Variants in FRMPD4 observed in about 807,000 individuals in gnomAD.
FRMPD4 encodes the protein FERM and PDZ domain-containing protein 4.
A neutral mutation model predicts 94.1 loss-of-function variants in FRMPD4; 22 were observed. The ratio of observed to expected loss-of-function variants is 0.23; its 90% CI spans 0.17 to 0.33. The LOEUF (loss-of-function observed/expected upper bound fraction) is 0.33. FRMPD4 is among the 10% of genes least tolerant of loss of function. The pLI is 1.00. For synonymous variants in FRMPD4, 631 were observed against 548.6 expected, an observed-to-expected ratio of 1.15 and a Z score of -2.10; for missense variants, 1,111 against 1,339.9, an observed-to-expected ratio of 0.83 and a Z score of 2.67.
At chrX:12,087,732 G>A (rs758080879) in intron 3 of FRMPD4, among the ~76,000 whole-genome samples, 18 of 112,052 alleles carry the variant, frequency 1.6e-4, no homozygotes, top group Non-Finnish European at 3.0e-4. Flanking sequence ...TCCCCCCAAA[G>A]CATGTAACAA....
At chrX:12,117,868 T>A (rs2055422318) in intron 3 of FRMPD4, among the ~76,000 whole-genome samples, 1 of 112,016 alleles carries the variant, frequency 8.9e-6, no homozygotes, top group African/African-American at 3.2e-5. Context: ...TTAATCAACA[T>A]TTATCAATTG....
At position 11,986,573 on chromosome X, in the gene FRMPD4, C is replaced by G. The variant is rs114259971; in HGVS notation, c.95+108555C>G. The stretch of plus-strand genomic sequence containing the variant: ...TTAGTAGAAGAAAAGAAATAAAGTT[C>G]ACAACAGAAATAAATAAAATTGAAA... On this transcript the variant is annotated intron_variant, in intron 3 of 18. Coordinates refer to the FRMPD4 transcript ENST00000640291. Among the ~76,000 whole-genome samples, 578 of 110,972 alleles carry G rather than the reference C, an allele frequency of 5.2e-3. 10 individuals carry two copies. The highest frequency in any genetic ancestry group is 0.017 in the African/African-American group (526 of 30,594).
chrX:11,928,028 C>T (rs2054099177), intron 3 of FRMPD4, among the ~76,000 whole-genome samples: 1 of 112,255 alleles, frequency 8.9e-6, no homozygotes, highest in Non-Finnish European at 1.9e-5. Context: ...TAATATCCAG[C>T]ATCCATAAGT....
chrX:12,087,334 A>G (rs910056977), intron 3 of FRMPD4, among the ~76,000 whole-genome samples: 2 of 111,514 alleles, frequency 1.8e-5, no homozygotes, highest in East Asian at 5.7e-4. Context: ...TTCCAAGCCT[A>G]TTTCCTCCAT....
chrX:11,923,608 T>C (rs2054069581), intron 3 of FRMPD4, among the ~76,000 whole-genome samples: 2 of 111,963 alleles, frequency 1.8e-5, no homozygotes, highest in Non-Finnish European at 3.8e-5. Flanking sequence ...GAGAACAAAG[T>C]TGGGGCCCAA....
chrX:12,430,405 G>A lies in FRMPD4; in HGVS notation c.42-68275G>A, dbSNP rs1174243785. Among the ~76,000 whole-genome samples the A allele has an allele frequency of 3.6e-5, 4 of 112,355 alleles. No homozygotes were observed. In the South Asian group the frequency reaches 1.5e-3, roughly 42 times the overall value. ...CTGCCTTCTCTTCAGTGCCATTGTT[G>A]ATTTATTTACCCATCAGTCTCCCAA... On this transcript the variant is annotated intron_variant, in intron 1 of 16. Coordinates refer to ENST00000675598, the MANE Select transcript of FRMPD4 (RefSeq NM_001368397.1).
intron 4 of FRMPD4, among the ~76,000 whole-genome samples, chrX:12,639,546 A>G (rs1280827203): frequency 8.9e-6 from 1 of 112,327 alleles, no homozygotes; most frequent in Non-Finnish European, 1.9e-5. Flanking sequence ...GTAATTTGCT[A>G]TATACATTGT....
chrX:11,830,532 G>A (rs2053469279), intron 1 of FRMPD4, among the ~76,000 whole-genome samples: 1 of 111,457 alleles, frequency 9.0e-6, no homozygotes, highest in African/African-American at 3.3e-5. Context: ...TTGAATCTGA[G>A]TTTGATGTTG....
intron 4 of FRMPD4, among the ~76,000 whole-genome samples, chrX:12,668,597 C>CTTTTTTT (rs61675840): frequency 2.8e-5 from 2 of 71,614 alleles, no homozygotes; most frequent in Non-Finnish European, 2.5e-5. Flanking sequence ...ATGGAAACTA[C>CTTTTTTT]TTTTTTTTTT....
intron 3 of FRMPD4, among the ~76,000 whole-genome samples, chrX:12,097,701 C>T (rs770760657): frequency 8.9e-5 from 10 of 112,505 alleles, no homozygotes; most frequent in Non-Finnish European, 1.7e-4. Context: ...TGGCTTCTTT[C>T]ACTGAGCATA....
chrX:12,216,360 A>G (rs771961066), intron 1 of FRMPD4, among the ~76,000 whole-genome samples: 14 of 111,544 alleles, frequency 1.3e-4, no homozygotes, highest in African/African-American at 4.2e-4. Context: ...CCCAGTGTAC[A>G]TGTCCCAAGA....
intron 2 of FRMPD4, among the ~76,000 whole-genome samples, chrX:12,602,091 T>C (rs1440585164): frequency 8.9e-6 from 1 of 111,886 alleles, no homozygotes; most frequent in Non-Finnish European, 1.9e-5. Flanking sequence ...ATATATATTT[T>C]CAATATATTA....
At chrX:12,049,541 C>T (rs2054805057) in intron 3 of FRMPD4, among the ~76,000 whole-genome samples, 1 of 111,484 alleles carries the variant, frequency 9.0e-6, no homozygotes, top group Non-Finnish European at 1.9e-5. Flanking sequence ...CAATGATGGA[C>T]TGCCTGTATG....
intron 4 of FRMPD4, among the ~76,000 whole-genome samples, chrX:12,670,939 A>C (rs774073428): frequency 8.9e-6 from 1 of 112,587 alleles, no homozygotes; most frequent in Non-Finnish European, 1.9e-5. Flanking sequence ...GATATGAACA[A>C]ACACTTCTCA....
In FRMPD4 at chrX:12,179,886, T is replaced by A. The variant is rs79067040; in HGVS notation, c.41+40874T>A. 6.0e-4 allele frequency among the ~76,000 whole-genome samples: 65 copies of A among 108,588 alleles called. No homozygotes were observed. The East Asian group carries it at 8.3e-3, about 14-fold the overall frequency. 94.3% of individuals were successfully genotyped at this position (108,588 alleles called of 115,157 possible). ...TGCTAACCTAGCCTTTTTTTTTTTT[T>A]AAAGTATATTTGTTTCTTTCCCAGA... is the stretch of plus-strand genomic sequence containing the variant. On this transcript the variant is annotated intron_variant, in intron 1 of 16. Transcript: ENST00000675598.
At chrX:11,849,632 G>C (rs1407477620) in intron 1 of FRMPD4, among the ~76,000 whole-genome samples, 1 of 108,401 alleles carries the variant, frequency 9.2e-6, no homozygotes, top group Non-Finnish European at 1.9e-5. Flanking sequence ...ATGGTCAAAT[G>C]ATTTTTAATG....
chrX:12,019,032 G>A (rs1569143601), intron 3 of FRMPD4, among the ~76,000 whole-genome samples: 1 of 111,576 alleles, frequency 9.0e-6, no homozygotes. Context: ...AACACCATGT[G>A]TTCAAACACT....
At position 12,656,463 on chromosome X, in the gene FRMPD4, C is replaced by A. The variant is rs528520682; in HGVS notation, c.423-18400C>A. 1.9e-4 allele frequency among the ~76,000 whole-genome samples: 21 copies of A among 112,112 alleles called. No homozygotes were observed. The South Asian group carries it at 3.4e-3, about 18-fold the overall frequency. ...CCCCAAATTGGACTACTCAAATGGC[C>A]ATCAATGGTAGAATTGATAAATGAA... On this transcript the variant is annotated intron_variant, in intron 4 of 16. Coordinates refer to ENST00000675598, the MANE Select transcript of FRMPD4 (RefSeq NM_001368397.1).
chrX:11,861,632 A>G (rs184679503), intron 1 of FRMPD4, among the ~76,000 whole-genome samples: 13 of 111,492 alleles, frequency 1.2e-4, no homozygotes, highest in Admixed American at 3.8e-4. Context: ...GAGGTCTACT[A>G]TAGAGATAAA....
Sources: gnomAD v4.1 joint callset for allele counts (sites outside exome capture counted in the v4.1 genomes callset) on GRCh38, gnomAD v4.1.1 for gene constraint, MANE v1.5 for transcripts, NCBI Gene and HGNC (gene_info 2026-07-23, HGNC 2026-07-21) for gene names.